The following GMCL1 variants were observed in gnomAD, a reference collection of about 807,000 sequenced individuals.
The protein encoded by GMCL1 is germ cell-less protein-like 1.
GMCL1 carries 54 observed loss-of-function variants against 75.5 expected under a neutral mutation model. The ratio of observed to expected loss-of-function variants is 0.71; its 90% CI spans 0.57 to 0.90. The LOEUF (loss-of-function observed/expected upper bound fraction) is 0.90. Among genes scored for constraint, GMCL1 ranks in the 40% least tolerant of loss-of-function variants. GMCL1 has a pLI of 0.00. For missense variants in GMCL1, 537 were observed against 622.7 expected (o/e 0.86, Z 1.47); for synonymous variants, 210 against 209.6 (o/e 1.00, Z -0.02).
chr2:69,843,291 TC>T, intron 5 of GMCL1, 30 bp downstream of exon 5: 1 of 1,227,196 alleles, frequency 8.1e-7, no homozygotes, highest in Non-Finnish European at 1.2e-6. Flanking sequence ...TTTCTTCCTA[TC>T]CCACTTTTAG....
At chr2:69,872,672 C>CT (rs1186356209) in intron 13 of GMCL1, among the ~76,000 whole-genome samples, 5 of 152,168 alleles carry the variant, frequency 3.3e-5, no homozygotes, top group African/African-American at 4.8e-5. Flanking sequence ...TGTTGAAACT[C>CT]TAACTGACCC....
At chr2:69,872,118 T>C (rs1200711916) in intron 13 of GMCL1, among the ~76,000 whole-genome samples, 1 of 152,192 alleles carries the variant, frequency 6.6e-6, no homozygotes, top group East Asian at 1.9e-4. Context: ...AGCACTAAAA[T>C]TCATTCCTAA....
chr2:69,863,396 C>G (rs981651883), intron 10 of GMCL1, among the ~76,000 whole-genome samples: 2 of 152,186 alleles, frequency 1.3e-5, no homozygotes, highest in Non-Finnish European at 2.9e-5. Context: ...GAGGAAGACA[C>G]TATATTCCCT....
intron 8 of GMCL1, among the ~76,000 whole-genome samples, chr2:69,853,566 T>C (rs939232626): frequency 2.6e-5 from 4 of 152,296 alleles, no homozygotes; most frequent in African/African-American, 9.6e-5. Context: ...CATGTTTTTC[T>C]CCTTATCCTT....
At chr2:69,855,376 G>T (rs1388919105) in intron 9 of GMCL1, among the ~76,000 whole-genome samples, 1 of 151,850 alleles carries the variant, frequency 6.6e-6, no homozygotes, top group Middle Eastern at 4.7e-3. Flanking sequence ...TGAAGCAAAT[G>T]TGTCTTTGCT....
Position 69,879,253 on chromosome 2 carries a change from C to A in GMCL1, c.*249C>A. On this transcript the variant is annotated 3_prime_UTR_variant, in exon 14 of 14. Transcript: ENST00000282570. ...CAAGAAAATATCTGTCAAACCATTT[C>A]TGTTAGAACGATGTCAATTCATGCT... The A allele has an allele frequency of 3.7e-6, 1 of 268,082 alleles. No individual in the cohort carries two copies. The highest frequency in any genetic ancestry group is 7.0e-6 in the Non-Finnish European group (1 of 142,958). 16.6% of individuals were successfully genotyped at this position (268,082 alleles called of 1,614,324 possible).
chr2:69,861,369 A>C (rs371021351), intron 10 of GMCL1, 22 bp downstream of exon 10: 7 of 1,482,034 alleles, frequency 4.7e-6, no homozygotes, highest in Non-Finnish European at 5.5e-6. Flanking sequence ...ATACCTTATC[A>C]TTTTTCATTA....
rs1358857355 is a variant in GMCL1 at position 69,868,569 on chromosome 2, T to A, written c.1219-1150T>A. 6.6e-5 allele frequency among the ~76,000 whole-genome samples: 10 copies of A among 151,460 alleles called. No individual in the cohort carries two copies. The South Asian group carries it at 1.0e-3, about 16-fold the overall frequency. ...TTTATTTTTATTTTTATTTTTATTT[T>A]TTTTTATTCTTTTTTGTATTTTTAG... On this transcript the variant is annotated intron_variant, in intron 11 of 13. Coordinates refer to ENST00000282570, the MANE Select transcript of GMCL1 (RefSeq NM_178439.5).
At chr2:69,831,419 T>C (rs1448959552) in intron 1 of GMCL1, among the ~76,000 whole-genome samples, 1 of 152,188 alleles carries the variant, frequency 6.6e-6, no homozygotes, top group Non-Finnish European at 1.5e-5. Context: ...TTTAATTGTT[T>C]GTTTGATTTT....
chr2:69,841,019 G>A lies in GMCL1; in HGVS notation c.559G>A (p.Ala187Thr), dbSNP rs565200273. The change falls in exon 4 of 14, where the codon GCA (alanine) becomes ACA (threonine). Residue 187 changes from alanine (A) to threonine (T), a missense_variant. Physicochemically the swap from Ala to Thr is moderately conservative, Grantham distance 58. Around this residue, in one of 3 missense-constraint regions of GMCL1, gnomAD observed 345 missense variants for 410.5 expected, o/e 0.84. Transcript: ENST00000282570. ...KPSRVVAILA[A>T]ACLLQLDGLI... ...CAGTCGAGTTGTTGCCATTTTGGCA[G>A]CAGCTTGTTTGCTGCAGTTGGTAAG... The A allele has an allele frequency of 6.2e-7, 1 of 1,613,672 alleles. No homozygotes were observed. The highest frequency in any genetic ancestry group is 1.7e-5 in the Admixed American group (1 of 60,026).
intron 10 of GMCL1, among the ~76,000 whole-genome samples, chr2:69,863,804 A>G (rs1675727107): frequency 6.6e-6 from 1 of 152,192 alleles, no homozygotes; most frequent in Non-Finnish European, 1.5e-5. Context: ...GTTCATCTGC[A>G]CTAAATGTGC....
At chr2:69,831,569 T>G (rs1203027120) in intron 1 of GMCL1, among the ~76,000 whole-genome samples, 1 of 152,000 alleles carries the variant, frequency 6.6e-6, no homozygotes, top group South Asian at 2.1e-4. Flanking sequence ...TGTAACCTTT[T>G]TGAAGCGTCA....
In GMCL1 at chr2:69,830,301, C is replaced by G. The variant is rs373504124; in HGVS notation, c.260+149C>G. ...GACAGGGTGAATGTGGAAGCCGGCC[C>G]GATGCGGGGCGGACTGGGGAGCGCC... On this transcript the variant is annotated intron_variant, in intron 1 of 13. Coordinates refer to ENST00000282570, the MANE Select transcript of GMCL1 (RefSeq NM_178439.5). The G allele has an allele frequency of 3.2e-4, 338 of 1,065,018 alleles. 4 individuals are homozygous for G. The highest frequency in any genetic ancestry group is 2.4e-3 in the East Asian group (91 of 37,400). The allele number at this position is 1,065,018 out of a possible 1,614,324, so 66.0% of individuals were successfully genotyped here.
chr2:69,851,655 T>G (rs1420535322), intron 8 of GMCL1, among the ~76,000 whole-genome samples: 1 of 151,856 alleles, frequency 6.6e-6, no homozygotes, highest in Non-Finnish European at 1.5e-5. Flanking sequence ...TTGTCTGTAT[T>G]CCCAGCTACT....
intron 11 of GMCL1, among the ~76,000 whole-genome samples, chr2:69,867,827 G>C (rs911038809): frequency 2.0e-5 from 3 of 152,170 alleles, no homozygotes; most frequent in Non-Finnish European, 4.4e-5. Context: ...TGATCTGTCT[G>C]CATTTTCCTA....
chr2:69,854,907 T>C lies in GMCL1; in HGVS notation c.1019T>C (p.Ile340Thr). 6.2e-7 allele frequency: 1 copy of C among 1,610,828 alleles called. No homozygotes were observed. The highest frequency in any genetic ancestry group is 1.7e-4 in the Middle Eastern group (1 of 6,018). Reference protein sequence around the residue: ...VFRHLRLQYIISDLASARIIE... With the variant: ...VFRHLRLQYITSDLASARIIE... ...AGACATTTAAGGTTACAATATATTA[T>C]CAGTGATCTGGCTTCTGCAAGAATT... Residue 340 changes from isoleucine (I) to threonine (T), a missense_variant, in exon 9 of 14, where the codon ATC (isoleucine) becomes ACC (threonine). By Grantham distance (89) the Ile-to-Thr change is moderately conservative. This residue lies in a region of GMCL1 where 345 missense variants were observed against 410.5 expected (regional missense o/e 0.84). Coordinates refer to ENST00000282570, the MANE Select transcript of GMCL1 (RefSeq NM_178439.5).
In GMCL1 at chr2:69,878,846, A is replaced by G. The variant is rs1008831790; in HGVS notation, c.1453-63A>G. 5.7e-5 allele frequency: 64 copies of G among 1,115,002 alleles called. No homozygotes were observed. In the Admixed American group the frequency reaches 1.1e-3, roughly 18 times the overall value. The allele number at this position is 1,115,002 out of a possible 1,614,324, so 69.1% of individuals were successfully genotyped here. A position where few individuals can be genotyped will look rare whatever the true frequency, so the allele number is the denominator to read the frequency against. On this transcript the variant is annotated intron_variant, in intron 13 of 13. Transcript: ENST00000282570. ...TATCTCCTTTGGTTCACTCAGTTCAACAGTTTGGTTTTTTGTTTTTATTTT... is the reference window on the plus strand; with the variant it reads ...TATCTCCTTTGGTTCACTCAGTTCAGCAGTTTGGTTTTTTGTTTTTATTTT...
At chr2:69,853,653 A>G (rs1675383038) in intron 8 of GMCL1, among the ~76,000 whole-genome samples, 1 of 152,198 alleles carries the variant, frequency 6.6e-6, no homozygotes, top group Non-Finnish European at 1.5e-5. Context: ...GGGCTCATGC[A>G]CAAATACCTG....
rs1465415209 is a variant in GMCL1, at chr2:69,881,287, T to C, written c.*2283T>C. 15 of 152,226 alleles carry C rather than the reference T, an allele frequency of 9.9e-5. No homozygotes were observed. The highest frequency in any genetic ancestry group is 9.8e-4 in the Admixed American group (15 of 15,284). The allele number at this position is 152,226 out of a possible 1,614,324, so 9.4% of individuals were successfully genotyped here. ...ACTGGTAGTAAAGATGTGCTTTTGT[T>C]TTCTTACCAAATATTTTTATGTGTT... On this transcript the variant is annotated 3_prime_UTR_variant, in exon 14 of 14. Transcript: ENST00000282570.
Sources: allele counts gnomAD v4.1 joint callset (sites outside exome capture counted in the v4.1 genomes callset), GRCh38; gene constraint gnomAD v4.1.1; regional missense constraint gnomAD v4.1.1; transcripts MANE v1.5; gene names NCBI Gene and HGNC (gene_info 2026-07-23, HGNC 2026-07-21).